The following SNTG1 variants were observed in gnomAD, a reference collection of about 807,000 sequenced individuals.
The protein encoded by SNTG1 is syntrophin gamma 1.
SNTG1 carries 39 observed loss-of-function variants against 74.7 expected under a neutral mutation model. The observed-to-expected ratio is 0.52, with a 90% confidence interval of 0.40 to 0.68. SNTG1 has a LOEUF of 0.68. Among genes scored for constraint, SNTG1 ranks in the 30% least tolerant of loss-of-function variants. The probability of loss-of-function intolerance (pLI) is 0.00; values close to 1 mark genes in which losing one functional copy is unlikely to be tolerated. For synonymous variants in SNTG1, 254 were observed against 217.1 expected, an observed-to-expected ratio of 1.17 and a Z score of -1.49; for missense variants, 685 against 609.5, an observed-to-expected ratio of 1.12 and a Z score of -1.30.
chr8:49,969,585 C>T lies in SNTG1; in HGVS notation c.-103+57354C>T, dbSNP rs370409530. On this transcript the variant is annotated intron_variant, in intron 1 of 18. Transcript: ENST00000642720. ...CTAATTTTGGTATTTTTAGTAGAGA[C>T]GGGGTTTCACCATGTTGGTCAGGCT... 1.2e-4 allele frequency among the ~76,000 whole-genome samples: 18 copies of T among 151,744 alleles called. No individual in the cohort carries two copies. In the South Asian group the frequency reaches 1.3e-3, roughly 11 times the overall value.
At chr8:50,344,821 C>A (rs1195951283) in intron 2 of SNTG1, among the ~76,000 whole-genome samples, 5 of 152,326 alleles carry the variant, frequency 3.3e-5, no homozygotes, top group Non-Finnish European at 7.3e-5. Context: ...ACAGCCCTAA[C>A]CCCTAGTACC....
At chr8:50,389,287 A>G (rs929419413) in intron 2 of SNTG1, among the ~76,000 whole-genome samples, 9 of 152,282 alleles carry the variant, frequency 5.9e-5, no homozygotes, top group African/African-American at 4.8e-5. Flanking sequence ...ATGGCTATAC[A>G]TGTATACTGG....
chr8:50,597,319 G>A (rs373417603), intron 13 of SNTG1, among the ~76,000 whole-genome samples: 21 of 145,742 alleles, frequency 1.4e-4, no homozygotes, highest in African/African-American at 3.8e-4. Flanking sequence ...ATATATACAC[G>A]TATATATACA....
chr8:50,551,387 T>C (rs186697471), intron 11 of SNTG1, among the ~76,000 whole-genome samples: 1 of 152,294 alleles, frequency 6.6e-6, no homozygotes, highest in Admixed American at 6.5e-5. Flanking sequence ...TATAATTACA[T>C]AGATTGAAGA....
Position 50,177,953 on chromosome 8 carries a change from A to G in SNTG1, c.-28+5318A>G, listed in dbSNP as rs561006095. On this transcript the variant is annotated intron_variant, in intron 2 of 18. Coordinates refer to ENST00000642720, the MANE Select transcript of SNTG1 (RefSeq NM_018967.5). The stretch of plus-strand genomic sequence containing the variant: ...TTTTGCATTTTCTCAATTGTCACAT[A>G]ATTGGAATCCTACAGTAGATAGCCT... Among the ~76,000 whole-genome samples, 7 of 152,270 alleles carry G rather than the reference A, an allele frequency of 4.6e-5. No homozygotes were observed. The South Asian group carries it at 1.5e-3, about 32-fold the overall frequency.
intron 2 of SNTG1, among the ~76,000 whole-genome samples, chr8:50,348,088 C>T (rs562067409): frequency 1.3e-5 from 2 of 152,258 alleles, no homozygotes; most frequent in Admixed American, 6.5e-5. Context: ...CCTTCATCTC[C>T]CCAAAAGCCA....
intron 1 of SNTG1, among the ~76,000 whole-genome samples, chr8:50,057,365 C>T (rs561113882): frequency 6.6e-6 from 1 of 152,210 alleles, no homozygotes; most frequent in East Asian, 1.9e-4. Context: ...GGGAGCAATG[C>T]CTTGGCTGAG....
At chr8:50,238,838 A>G (rs7002107) in intron 2 of SNTG1, among the ~76,000 whole-genome samples, 135,977 of 152,194 alleles carry the variant, frequency 0.89, 62,236 homozygotes, top group East Asian at 1. Flanking sequence ...CAATGTTCAT[A>G]GACAGACACT....
intron 15 of SNTG1, among the ~76,000 whole-genome samples, chr8:50,675,856 G>C (rs2095307522): frequency 6.6e-6 from 1 of 152,010 alleles, no homozygotes; most frequent in Non-Finnish European, 1.5e-5. Context: ...AGGCCTGGTG[G>C]TAACGAAATC....
At chr8:50,668,688 T>A (rs923272127) in intron 15 of SNTG1, among the ~76,000 whole-genome samples, 1 of 151,782 alleles carries the variant, frequency 6.6e-6, no homozygotes. Flanking sequence ...GTGTGTTGTT[T>A]CCCACCCTGT....
rs2092319526 is a variant in SNTG1 at position 50,373,777 on chromosome 8, T to C, written c.-27-20435T>C. Among the ~76,000 whole-genome samples, 3 of 152,334 alleles carry C rather than the reference T, an allele frequency of 2.0e-5. No homozygotes were observed. In the South Asian group the frequency reaches 6.2e-4, roughly 32 times the overall value. On this transcript the variant is annotated intron_variant, in intron 2 of 18. Transcript: ENST00000642720. ...TGAGATGTTCTTAATTCCATATCTG[T>C]TCATGGTGACAATAACTGTGAAGTC...
chr8:50,338,742 A>G (rs1398687232), intron 2 of SNTG1, among the ~76,000 whole-genome samples: 1 of 152,182 alleles, frequency 6.6e-6, no homozygotes, highest in South Asian at 2.1e-4. Context: ...AATTAAAAAT[A>G]AAGACTGAAA....
intron 2 of SNTG1, among the ~76,000 whole-genome samples, chr8:50,202,478 A>C (rs1388461284): frequency 6.6e-6 from 1 of 152,018 alleles, no homozygotes; most frequent in Non-Finnish European, 1.5e-5. Context: ...CGATTCTTTC[A>C]CTTAGCAATG....
intron 17 of SNTG1, among the ~76,000 whole-genome samples, chr8:50,711,874 T>C (rs1179271327): frequency 7.9e-5 from 12 of 152,230 alleles, no homozygotes; most frequent in Admixed American, 7.9e-4. Flanking sequence ...CTCTTCCTTA[T>C]TAAAATGTAG....
chr8:50,154,013 G>C (rs186359279), intron 1 of SNTG1, among the ~76,000 whole-genome samples: 1 of 152,326 alleles, frequency 6.6e-6, no homozygotes, highest in Admixed American at 6.5e-5. Context: ...GGAGTCTACA[G>C]AGGCATGCAG....
chr8:50,255,822 G>C (rs1475693536), intron 2 of SNTG1, among the ~76,000 whole-genome samples: 1 of 152,122 alleles, frequency 6.6e-6, no homozygotes, highest in Admixed American at 6.5e-5. Flanking sequence ...CTGAGGGCTA[G>C]AAGTTCAACA....
chr8:50,453,077 C>G (rs958745662), intron 8 of SNTG1, among the ~76,000 whole-genome samples: 3 of 152,116 alleles, frequency 2.0e-5, no homozygotes, highest in African/African-American at 4.8e-5. Context: ...TTTTATATAC[C>G]TACTCTATTC....
intron 2 of SNTG1, among the ~76,000 whole-genome samples, chr8:50,195,864 C>A (rs550240031): frequency 6.6e-6 from 1 of 152,086 alleles, no homozygotes; most frequent in South Asian, 2.1e-4. Context: ...TTCTTGCAGT[C>A]GGCCTGGAGC....
chr8:50,381,194 T>A (rs904554809), intron 2 of SNTG1: 4 of 152,146 alleles, frequency 2.6e-5, no homozygotes, highest in Admixed American at 6.6e-5. Flanking sequence ...GATGAAATTT[T>A]AAAAATTATT....
Sources: gnomAD v4.1 joint callset for allele counts (sites outside exome capture counted in the v4.1 genomes callset) on GRCh38, gnomAD v4.1.1 for gene constraint, MANE v1.5 for transcripts, NCBI Gene and HGNC (gene_info 2026-07-23, HGNC 2026-07-21) for gene names.